SEM1: variants seen among roughly 807,000 people sequenced by gnomAD.
SEM1 encodes SEM1 26S proteasome subunit, also known as 26S proteasome complex subunit SEM1.
SEM1 carries 3 observed loss-of-function variants against 12.7 expected under a neutral mutation model. The observed-to-expected ratio is 0.24, with a 90% CI of 0.11 to 0.61. SEM1 has a LOEUF of 0.61. SEM1 is among the 20% of genes least tolerant of loss of function. The pLI, the probability that SEM1 is intolerant of heterozygous loss-of-function variation, is 0.88. For missense variants in SEM1, 59 were observed against 81.3 expected (o/e 0.73, Z 1.06); for synonymous variants, 30 against 27.8 (o/e 1.08, Z -0.25).
chr7:96,702,020 C>T (rs975592784), intron 1 of SEM1, among the ~76,000 whole-genome samples: 7 of 151,886 alleles, frequency 4.6e-5, no homozygotes, highest in Non-Finnish European at 8.8e-5. Flanking sequence ...GGGAGGGTGG[C>T]CTGGCATAAA....
At chr7:96,604,367 T>C (rs1807282236) in intron 2 of SEM1, among the ~76,000 whole-genome samples, 3 of 152,324 alleles carry the variant, frequency 2.0e-5, no homozygotes, top group East Asian at 3.9e-4. Flanking sequence ...ACATTATGGT[T>C]GCCCCCTTTC....
At chr7:96,690,232 C>T (rs1789887826) in intron 2 of SEM1, among the ~76,000 whole-genome samples, 1 of 152,128 alleles carries the variant, frequency 6.6e-6, no homozygotes, top group East Asian at 1.9e-4. Context: ...AGAATATTCA[C>T]TTTAACAGCA....
chr7:96,578,312 A>G (rs1240877784), intron 2 of SEM1, among the ~76,000 whole-genome samples: 1 of 152,092 alleles, frequency 6.6e-6, no homozygotes, highest in African/African-American at 2.4e-5. Context: ...TAGATACGCA[A>G]TGAAACTGCA....
intron 2 of SEM1, among the ~76,000 whole-genome samples, chr7:96,589,286 C>G (rs920192808): frequency 1.3e-5 from 2 of 152,140 alleles, no homozygotes; most frequent in Admixed American, 1.3e-4. Flanking sequence ...CCAGGTGGTT[C>G]TGGTACTCAA....
intron 1 of SEM1, chr7:96,696,728 G>A (rs1363799888): frequency 6.6e-6 from 1 of 151,924 alleles, no homozygotes; most frequent in Non-Finnish European, 1.5e-5. Flanking sequence ...AAAATAGTAT[G>A]TCCAACACTT....
chr7:96,509,177 G>C (rs1201892725), intron 2 of SEM1, among the ~76,000 whole-genome samples: 5 of 105,796 alleles, frequency 4.7e-5, no homozygotes, highest in Admixed American at 3.0e-4. Flanking sequence ...TTTTTTTTTG[G>C]TATTTTTCAG....
chr7:96,571,186 T>A (rs1290357683), intron 2 of SEM1, among the ~76,000 whole-genome samples: 1 of 152,216 alleles, frequency 6.6e-6, no homozygotes, highest in Non-Finnish European at 1.5e-5. Context: ...TTTCTTCTGC[T>A]GTGCAGAAAC....
intron 3 of SEM1, among the ~76,000 whole-genome samples, chr7:96,506,178 A>G (rs1803748292): frequency 6.6e-6 from 1 of 152,072 alleles, no homozygotes; most frequent in South Asian, 2.1e-4. Context: ...CTGTAGGACA[A>G]GATGTTCCCA....
intron 1 of SEM1, among the ~76,000 whole-genome samples, chr7:96,493,854 A>C (rs1803128265): frequency 6.6e-6 from 1 of 152,088 alleles, no homozygotes; most frequent in African/African-American, 2.4e-5. Flanking sequence ...TAATCTCACA[A>C]AACCATTTCC....
intron 1 of SEM1, among the ~76,000 whole-genome samples, chr7:96,708,943 T>TA (rs35050259): frequency 3.1e-4 from 46 of 149,370 alleles, no homozygotes; most frequent in African/African-American, 4.4e-4. Context: ...GTTTTGAAGC[T>TA]AAAAAAAAAA....
intron 2 of SEM1, among the ~76,000 whole-genome samples, chr7:96,609,792 G>C (rs1406527689): frequency 6.6e-6 from 1 of 152,208 alleles, no homozygotes; most frequent in Non-Finnish European, 1.5e-5. Context: ...AAGGAAGCAA[G>C]ATGTATAAGG....
chr7:96,643,599 T>G (rs1031749242), intron 2 of SEM1, among the ~76,000 whole-genome samples: 9 of 152,028 alleles, frequency 5.9e-5, no homozygotes, highest in African/African-American at 2.2e-4. Context: ...ATGTGACACA[T>G]ATACACCATG....
rs148613748 is a variant in SEM1 at position 96,629,727 on chromosome 7, A to C, written c.171-7084T>G. On this transcript the variant is annotated intron_variant, in intron 2 of 2. Transcript: ENST00000417009. The stretch of plus-strand genomic sequence containing the variant: ...GTCTGTGTTTGGGCATTGAAGAGTT[A>C]GGTATTCATTGTAGTCTTCTCAGTC... Among the ~76,000 whole-genome samples, 308 of 152,218 alleles carry C rather than the reference A, an allele frequency of 2.0e-3. 1 individual carries two copies. The highest frequency in any genetic ancestry group is 7.2e-3 in the African/African-American group (298 of 41,542).
At chr7:96,498,484 T>C (rs897411029), upstream of SEM1, among the ~76,000 whole-genome samples, 3 of 152,186 alleles carry the variant, frequency 2.0e-5, no homozygotes, top group South Asian at 2.1e-4. Context: ...TGGAGAATGA[T>C]TGAACTTATT....
intron 2 of SEM1, chr7:96,673,926 A>G (rs2115599042): frequency 8.1e-6 from 6 of 740,684 alleles, no homozygotes; most frequent in Non-Finnish European, 1.2e-5. Flanking sequence ...GGGCTGCTTG[A>G]CCACAGCATA....
At chr7:96,527,052 C>T (rs1242526874) in intron 2 of SEM1, among the ~76,000 whole-genome samples, 2 of 151,946 alleles carry the variant, frequency 1.3e-5, no homozygotes, top group African/African-American at 2.4e-5. Flanking sequence ...CATAAAGAAA[C>T]GTATTTCCTC....
intron 2 of SEM1, among the ~76,000 whole-genome samples, chr7:96,514,230 G>A (rs1042979060): frequency 1.3e-5 from 2 of 152,014 alleles, no homozygotes; most frequent in Non-Finnish European, 2.9e-5. Context: ...TTAAAATGTT[G>A]CAGTTACCTT....
At chr7:96,620,562 C>T (rs1032729016), downstream of SEM1, among the ~76,000 whole-genome samples, 2 of 152,180 alleles carry the variant, frequency 1.3e-5, no homozygotes, top group African/African-American at 4.8e-5. Context: ...TTGTAAAAAC[C>T]CATTTCGGAG....
At position 96,547,912 on chromosome 7, in the gene SEM1, G is replaced by A. The variant is rs73708343; in HGVS notation, c.171-41214C>T. On this transcript the variant is annotated intron_variant and NMD_transcript_variant, in intron 2 of 3. Coordinates refer to the SEM1 transcript ENST00000466986. ...TAAGACGTGTACTGTAAAGATTGGT[G>A]ACCAGGCCATTTGTACCACTGGAAT... Among the ~76,000 whole-genome samples, 1,357 of 152,186 alleles carry A rather than the reference G, an allele frequency of 8.9e-3. 26 individuals carry two copies. The highest frequency in any genetic ancestry group is 0.031 in the African/African-American group (1,288 of 41,530).
Sources: gnomAD v4.1 joint callset for allele counts (sites outside exome capture counted in the v4.1 genomes callset) on GRCh38, gnomAD v4.1.1 for gene constraint, MANE v1.5 for transcripts, NCBI Gene and HGNC (gene_info 2026-07-23, HGNC 2026-07-21) for gene names.